Variants in DNAH5 observed in about 807,000 individuals in gnomAD.
DNAH5 encodes the protein dynein axonemal heavy chain 5.
DNAH5 carries 372 observed loss-of-function variants against 518.2 expected under a neutral mutation model. The observed-to-expected ratio is 0.72, with a 90% CI of 0.66 to 0.78. The LOEUF (loss-of-function observed/expected upper bound fraction) is 0.78. DNAH5 is among the 30% of genes least tolerant of loss of function. DNAH5 has a pLI of 0.00. For missense variants in DNAH5, 5,523 were observed against 5,687.0 expected (o/e 0.97, Z 0.93); for synonymous variants, 2,039 against 2,025.9 (o/e 1.01, Z -0.17).
In DNAH5 at chr5:13,700,919, A is replaced by G. The variant is rs202156879; in HGVS notation, c.13492-48T>C. 1.4e-4 allele frequency: 225 copies of G among 1,564,194 alleles called. 1 individual carries two copies. The African/African-American group carries it at 2.8e-3, about 20-fold the overall frequency. On this transcript the variant is annotated intron_variant, in intron 77 of 78. Transcript: ENST00000265104. ...AATGGAGCGGTTAGAGGTTTGTCTT[A>G]ATAGAAAGAGCATAACAATAATGAA...
At chr5:14,005,401 CT>C (rs1291772585) in intron 1 of DNAH5, among the ~76,000 whole-genome samples, 2 of 152,180 alleles carry the variant, frequency 1.3e-5, no homozygotes, top group Non-Finnish European at 2.9e-5. Flanking sequence ...ACTTGTCCAT[CT>C]TTCATCTCAT....
chr5:13,912,359 C>A (rs1446150557), intron 11 of DNAH5, among the ~76,000 whole-genome samples: 1 of 151,708 alleles, frequency 6.6e-6, no homozygotes, highest in Non-Finnish European at 1.5e-5. Context: ...ATAAAACAAC[C>A]TACTTTTTCA....
At chr5:13,934,766 C>T (rs1025277211) in intron 1 of DNAH5, among the ~76,000 whole-genome samples, 1 of 152,166 alleles carries the variant, frequency 6.6e-6, no homozygotes, top group African/African-American at 2.4e-5. Context: ...ATCTGAGAGA[C>T]AACTTTGCTG....
intron 3 of DNAH5, among the ~76,000 whole-genome samples, chr5:13,925,532 G>A (rs1351059649): frequency 1.3e-5 from 2 of 152,162 alleles, no homozygotes. Context: ...CACAATCATA[G>A]CAGAAGGCAA....
intron 78 of DNAH5, among the ~76,000 whole-genome samples, chr5:13,694,689 T>C (rs943213694): frequency 1.3e-5 from 2 of 152,184 alleles, no homozygotes; most frequent in Non-Finnish European, 2.9e-5. Context: ...CCTTCCAACA[T>C]CCAAAATAAT....
chr5:13,913,848 G>A lies in DNAH5; in HGVS notation c.1431C>T (p.His477=), dbSNP rs1028207982. The A allele has an allele frequency of 6.2e-6, 10 of 1,613,508 alleles. No individual in the cohort carries two copies. Among genetic ancestry groups the A allele is most frequent in the East Asian group, 2.2e-5 (1 of 44,872 alleles). Residue 477 remains histidine (H), a synonymous_variant, in exon 11 of 79, where the codon CAC becomes CAT. Transcript: ENST00000265104. ...MYIFGKFETF[H]RRLAKIIDIF... is the part of the protein sequence containing the mutation. ...TGTCTATTATCTTGGCAAGGCGTCG[G>A]TGAAAAGTTTCGAATTTTCCAAAAA... is the stretch of plus-strand genomic sequence containing the variant.
At chr5:13,771,080 C>T (rs1195294709) in intron 55 of DNAH5, 100 bp from the exon 56 acceptor site, 6 of 1,122,654 alleles carry the variant, frequency 5.3e-6, no homozygotes, top group Non-Finnish European at 7.8e-6. Context: ...CTTAGGAATG[C>T]AAACCATTTT....
intron 75 of DNAH5, among the ~76,000 whole-genome samples, chr5:13,709,898 C>T (rs574344355): frequency 3.6e-4 from 55 of 152,292 alleles, no homozygotes; most frequent in African/African-American, 1.2e-3. Context: ...GGAAGACAAA[C>T]GGCATATAAT....
intron 40 of DNAH5, among the ~76,000 whole-genome samples, chr5:13,821,052 T>C (rs1031539025): frequency 6.6e-6 from 1 of 152,170 alleles, no homozygotes. Flanking sequence ...GTAAATTTTA[T>C]GTTGTATTTT....
intron 15 of DNAH5, 119 bp from the exon 16 acceptor site, chr5:13,894,940 G>A: frequency 9.4e-7 from 1 of 1,063,566 alleles, no homozygotes; most frequent in African/African-American, 1.9e-5. Flanking sequence ...GGCTCTAATA[G>A]CCTGGCAGGT....
rs986981458 is a variant in DNAH5, at chr5:13,707,657, C to T, written c.13338+466G>A. 6.6e-6 allele frequency among the ~76,000 whole-genome samples: 1 copy of T among 152,158 alleles called. No individual in the cohort carries two copies. Among genetic ancestry groups the T allele is most frequent in the South Asian group, 2.1e-4 (1 of 4,820 alleles). ...TGTGAGGGGGATAAGGGAACTCCTC[C>T]GATTTCGACAGCATGTAGCAGAAAC... is the stretch of plus-strand genomic sequence containing the variant. On this transcript the variant is annotated intron_variant, in intron 76 of 78. Coordinates refer to ENST00000265104, the MANE Select transcript of DNAH5 (RefSeq NM_001369.3). This position sits in a 1 kb window ranked among gnomAD's most constrained non-coding sequence, Gnocchi z 4.0.
intron 47 of DNAH5, among the ~76,000 whole-genome samples, chr5:13,803,174 A>G (rs543814804): frequency 3.7e-4 from 56 of 152,314 alleles, no homozygotes; most frequent in African/African-American, 1.3e-3. Flanking sequence ...GAAATATAAA[A>G]TATAATTAAT....
At chr5:13,930,785 G>A (rs775514160) in intron 2 of DNAH5, among the ~76,000 whole-genome samples, 9 of 152,178 alleles carry the variant, frequency 5.9e-5, no homozygotes, top group Admixed American at 2.0e-4. Context: ...AAGACGAATC[G>A]GCAACTTGAA....
chr5:13,724,430 A>G (rs1745452872), intron 70 of DNAH5, among the ~76,000 whole-genome samples: 1 of 152,226 alleles, frequency 6.6e-6, no homozygotes, highest in African/African-American at 2.4e-5. Flanking sequence ...TTGATTTTAC[A>G]GGCTCACAGG....
intron 1 of DNAH5, among the ~76,000 whole-genome samples, chr5:13,942,640 C>T (rs139091562): frequency 6.6e-6 from 1 of 152,250 alleles, no homozygotes; most frequent in Non-Finnish European, 1.5e-5. Context: ...CCTCCACCAT[C>T]CCCCACGTGC....
chr5:13,796,118 C>T (rs548692538), intron 47 of DNAH5, among the ~76,000 whole-genome samples: 6 of 152,308 alleles, frequency 3.9e-5, no homozygotes, highest in African/African-American at 1.4e-4. Context: ...AAACTGGAAG[C>T]ATTCCCTTTG....
rs377439232 is a variant in DNAH5, at chr5:13,913,883, C to T, written c.1396G>A (p.Glu466Lys). 2.1e-5 allele frequency: 34 copies of T among 1,613,428 alleles called. No homozygotes were observed. The South Asian group carries it at 2.4e-4, about 11-fold the overall frequency. Residue 466 changes from glutamate to lysine, a missense_variant, in exon 11 of 79, where the codon GAG becomes AAG. Transcript: ENST00000265104. ...NPNAKQFDFS[E>K]MYIFGKFETF... The stretch of plus-strand genomic sequence containing the variant: ...TCGAATTTTCCAAAAATATACATCT[C>T]GCTAAAATCAAATTGTTTTGCATTT...
rs1379474893 is a variant in DNAH5, at chr5:13,978,249, A to G, written c.12+33399T>C. Among the ~76,000 whole-genome samples, 45 of 152,204 alleles carry G rather than the reference A, an allele frequency of 3.0e-4. 1 individual carries two copies. Among genetic ancestry groups the G allele is most frequent in the Non-Finnish European group, 1.5e-5 (1 of 68,032 alleles). ...CCACTCAGCCAGGCATGGTACCCAG[A>G]TATTTGGTGAAGCACTACTCTAGAT... On this transcript the variant is annotated intron_variant, in intron 1 of 78. Transcript: ENST00000681290.
At position 13,930,035 on chromosome 5, in the gene DNAH5, C is replaced by T. The variant is rs568758396; in HGVS notation, c.192+1075G>A. On this transcript the variant is annotated intron_variant, in intron 2 of 78. Coordinates refer to ENST00000265104, the MANE Select transcript of DNAH5 (RefSeq NM_001369.3). ...AGAACAGGGACCGACACATGGTAAA[C>T]ATTCAATAAGTGTCAGCTATGAGGA... Among the ~76,000 whole-genome samples, 25 of 152,274 alleles carry T rather than the reference C, an allele frequency of 1.6e-4. No homozygotes were observed. In the South Asian group the frequency reaches 2.9e-3, roughly 18 times the overall value.
Sources: allele counts gnomAD v4.1 joint callset (sites outside exome capture counted in the v4.1 genomes callset), GRCh38; gene constraint gnomAD v4.1.1; non-coding constraint Gnocchi (gnomAD v3.1); transcripts MANE v1.5; gene names NCBI Gene and HGNC (gene_info 2026-07-23, HGNC 2026-07-21).